The following GREB1L variants were observed in gnomAD, a reference collection of about 807,000 sequenced individuals.
GREB1L encodes GREB1 like retinoic acid receptor coactivator, also known as GREB1-like protein.
Under a neutral mutation model 200.8 loss-of-function variants are expected in GREB1L, and 17 were observed. That is an observed-to-expected ratio of 0.08 (90% CI 0.06 to 0.13). The LOEUF is 0.13. Ranked by LOEUF, GREB1L falls within the 10% of genes least tolerant of loss-of-function variation. The probability of loss-of-function intolerance (pLI) is 1.00; values close to 1 mark genes in which losing one functional copy is unlikely to be tolerated. For missense variants in GREB1L, 1,657 were observed against 2,367.7 expected, an observed-to-expected ratio of 0.70 and a Z score of 6.23; for synonymous variants, 789 against 893.0, an observed-to-expected ratio of 0.88 and a Z score of 2.08.
intron 1 of GREB1L, among the ~76,000 whole-genome samples, chr18:21,278,426 AAAT>A (rs1439245689): frequency 6.6e-6 from 1 of 150,878 alleles, no homozygotes; most frequent in Non-Finnish European, 1.5e-5. Flanking sequence ...ATAAATAAAT[AAAT>A]AAAGTTACAA....
rs545492964 is a variant in GREB1L at position 21,413,296 on chromosome 18, T to G, written c.832+9302T>G. ...TCCTCTGTCCCTGATGATGGCTGTT[T>G]AAGAAGCAGATTGTATGGGAGTGTA... On this transcript the variant is annotated intron_variant, in intron 7 of 32. Transcript: ENST00000424526. Among the ~76,000 whole-genome samples the G allele has an allele frequency of 3.9e-5, 6 of 152,324 alleles. No individual in the cohort carries two copies. The East Asian group carries it at 1.2e-3, about 29-fold the overall frequency.
At chr18:21,322,352 G>A (rs8087395) in intron 1 of GREB1L, among the ~76,000 whole-genome samples, 10,176 of 152,208 alleles carry the variant, frequency 0.067, 527 homozygotes, top group Admixed American at 0.13. Context: ...GCAATACCTA[G>A]AGACATTTTT....
chr18:21,485,446 G>C, intron 17 of GREB1L, 174 bp from the exon 18 acceptor site: 1 of 458,894 alleles, frequency 2.2e-6, no homozygotes, highest in Non-Finnish European at 3.8e-6. Context: ...GTTTCACTTA[G>C]TGCCTCAGAG....
In GREB1L at chr18:21,324,606, C is replaced by G. The variant is rs1262756845; in HGVS notation, c.-119-41421C>G. ...GCAGGCAGATCACAGGTCAGGAGAT[C>G]GAGAACATCCTGGCTAACACGGTGA... On this transcript the variant is annotated intron_variant, in intron 1 of 32. Coordinates refer to ENST00000424526, the MANE Select transcript of GREB1L (RefSeq NM_001142966.3). Among the ~76,000 whole-genome samples, 3 of 152,136 alleles carry G rather than the reference C, an allele frequency of 2.0e-5. No individual in the cohort carries two copies. In the South Asian group the frequency reaches 6.2e-4, roughly 32 times the overall value.
chr18:21,306,356 A>G (rs542082198), intron 1 of GREB1L, among the ~76,000 whole-genome samples: 31 of 152,340 alleles, frequency 2.0e-4, no homozygotes, highest in African/African-American at 7.2e-4. Flanking sequence ...TAAGTGGTCT[A>G]TGGGCAAGGG....
In GREB1L at chr18:21,485,646, G is replaced by A. The variant is rs759844005; in HGVS notation, c.2583G>A (p.Leu861=). ...TGEDVGCEEK[L]YFGLSEYSKS... ...AGGACGTGGGCTGCGAGGAGAAGCT[G>A]TACTTTGGCTTGAGTGAGTACAGCA... Residue 861 remains leucine (L), a synonymous_variant, in exon 18 of 33, where the codon CTG becomes CTA. Transcript: ENST00000424526. 40 of 1,551,442 alleles carry A rather than the reference G, an allele frequency of 2.6e-5. No homozygotes were observed. The highest frequency in any genetic ancestry group is 3.0e-5 in the Non-Finnish European group (34 of 1,146,914).
intron 31 of GREB1L, 91 bp downstream of exon 31, chr18:21,518,325 A>T (rs1049610578): frequency 3.3e-5 from 40 of 1,219,784 alleles, no homozygotes; most frequent in Non-Finnish European, 4.1e-5. Context: ...CTGTGACATG[A>T]AATATCAATC....
At chr18:21,274,389 T>TAC (rs1209172535) in intron 1 of GREB1L, among the ~76,000 whole-genome samples, 6 of 152,006 alleles carry the variant, frequency 3.9e-5, no homozygotes, top group South Asian at 4.1e-4. Context: ...TATATATATA[T>TAC]ACACACACAC....
At chr18:21,245,191 T>C (rs921750776) in intron 1 of GREB1L, among the ~76,000 whole-genome samples, 9 of 152,218 alleles carry the variant, frequency 5.9e-5, no homozygotes, top group African/African-American at 2.2e-4. Flanking sequence ...AAAGGTACAC[T>C]GTAAGCGATG....
intron 1 of GREB1L, among the ~76,000 whole-genome samples, chr18:21,289,943 G>C (rs535119943): frequency 6.6e-6 from 1 of 152,326 alleles, no homozygotes; most frequent in South Asian, 2.1e-4. Context: ...AAAGGGTGCT[G>C]TCAGAGCTAC....
At chr18:21,452,319 C>T in intron 14 of GREB1L, 102 bp downstream of exon 14, 5 of 1,137,598 alleles carry the variant, frequency 4.4e-6, no homozygotes, top group Non-Finnish European at 6.2e-6. Flanking sequence ...AGTCACAGAC[C>T]ACAACAGCCT....
At chr18:21,430,661 A>G (rs901490182) in intron 7 of GREB1L, among the ~76,000 whole-genome samples, 6 of 140,866 alleles carry the variant, frequency 4.3e-5, no homozygotes, top group Admixed American at 3.8e-4. Context: ...CAATGGTGCA[A>G]TCTTGGCTCA....
At chr18:21,292,622 G>A (rs1405934500) in intron 1 of GREB1L, among the ~76,000 whole-genome samples, 2 of 152,262 alleles carry the variant, frequency 1.3e-5, no homozygotes, top group African/African-American at 4.8e-5. Context: ...CGCCCTTTGT[G>A]TCTGGCGTCT....
chr18:21,508,295 T>C lies in GREB1L; in HGVS notation c.4530+16T>C. On this transcript the variant is annotated intron_variant, in intron 26 of 32. Coordinates refer to ENST00000424526, the MANE Select transcript of GREB1L (RefSeq NM_001142966.3). ...TTCAGACAAGGTGGGTGAGAGCATC[T>C]GGACTGGCAGGCACCAGACCTAGTT... The C allele has an allele frequency of 6.4e-7, 1 of 1,551,638 alleles. No homozygotes were observed. Among genetic ancestry groups the C allele is most frequent in the South Asian group, 1.2e-5 (1 of 84,066 alleles).
At chr18:21,390,729 G>A (rs1486614242) in intron 4 of GREB1L, among the ~76,000 whole-genome samples, 2 of 152,034 alleles carry the variant, frequency 1.3e-5, no homozygotes, top group East Asian at 3.9e-4. Flanking sequence ...TAGAGATGGG[G>A]TTTCACCATA....
At chr18:21,256,671 C>T (rs2037803267) in intron 1 of GREB1L, among the ~76,000 whole-genome samples, 1 of 152,088 alleles carries the variant, frequency 6.6e-6, no homozygotes, top group Non-Finnish European at 1.5e-5. Context: ...GATTCCAAAA[C>T]AGGTCACATT....
rs1332097251 is a variant in GREB1L at position 21,515,407 on chromosome 18, T to C, written c.4902-10T>C. 1.3e-6 allele frequency: 2 copies of C among 1,522,508 alleles called. No homozygotes were observed. The highest frequency in any genetic ancestry group is 1.4e-5 in the African/African-American group (1 of 72,430). 94.3% of individuals were successfully genotyped at this position (1,522,508 alleles called of 1,614,324 possible). A position where few individuals can be genotyped will look rare whatever the true frequency, so the allele number is the denominator to read the frequency against. On this transcript the variant is annotated splice_polypyrimidine_tract_variant and intron_variant, in intron 28 of 32. Transcript: ENST00000424526. ...ATTTATCAACATCTTATATAAACTATATTTCATAGCCAGCCCATGGAAGTA... is the reference window on the plus strand; with the variant it reads ...ATTTATCAACATCTTATATAAACTACATTTCATAGCCAGCCCATGGAAGTA...
chr18:21,384,044 T>C (rs2040435358), intron 3 of GREB1L, among the ~76,000 whole-genome samples, 162 bp from the exon 4 acceptor site: 1 of 152,204 alleles, frequency 6.6e-6, no homozygotes, highest in Non-Finnish European at 1.5e-5. Context: ...AGTGGGATTC[T>C]TGTTTTAGAA....
intron 7 of GREB1L, among the ~76,000 whole-genome samples, chr18:21,432,384 C>T (rs1185618519): frequency 1.3e-5 from 2 of 152,002 alleles, no homozygotes; most frequent in Non-Finnish European, 2.9e-5. Context: ...AATTTGGCCT[C>T]TTCCATATCA....
Sources: allele counts gnomAD v4.1 joint callset (sites outside exome capture counted in the v4.1 genomes callset), GRCh38; gene constraint gnomAD v4.1.1; transcripts MANE v1.5; gene names NCBI Gene and HGNC (gene_info 2026-07-23, HGNC 2026-07-21).